The following CCSER1 variants were observed in gnomAD, a reference collection of about 807,000 sequenced individuals.
The protein encoded by CCSER1 is serine-rich coiled-coil domain-containing protein 1.
In CCSER1, 41 loss-of-function variants were observed where a neutral mutation model predicts 82.0. The observed-to-expected ratio is 0.50, with a 90% confidence interval of 0.39 to 0.65. CCSER1 has a LOEUF of 0.65. Ranked by LOEUF, CCSER1 falls within the 30% of genes least tolerant of loss-of-function variation. The pLI is 0.00. For synonymous variants in CCSER1, 414 were observed against 383.9 expected (o/e 1.08, Z -0.92); for missense variants, 1,119 against 1,064.2 (o/e 1.05, Z -0.72).
rs1403035783 is a variant in CCSER1, at chr4:90,167,175, G to T, written c.-42+39344G>T. Reference sequence around the variant, plus strand: ...AACTCAAACTCAAGAAGTTACAAAGGTGTTAAATATTAAAGTATCAAGAAA... The same window carrying T: ...AACTCAAACTCAAGAAGTTACAAAGTTGTTAAATATTAAAGTATCAAGAAA... On this transcript the variant is annotated intron_variant, in intron 1 of 10. Transcript: ENST00000509176. Among the ~76,000 whole-genome samples the T allele has an allele frequency of 4.6e-5, 7 of 151,894 alleles. No individual in the cohort carries two copies. In the East Asian group the frequency reaches 1.4e-3, roughly 29 times the overall value.
chr4:91,188,880 G>A (rs537622078), intron 10 of CCSER1, among the ~76,000 whole-genome samples: 1 of 152,108 alleles, frequency 6.6e-6, no homozygotes, highest in African/African-American at 2.4e-5. Context: ...GTTAGTGCTA[G>A]CATACCTATT....
intron 9 of CCSER1, among the ~76,000 whole-genome samples, chr4:90,946,783 G>A (rs989121731): frequency 1.3e-5 from 2 of 152,100 alleles, no homozygotes; most frequent in African/African-American, 4.8e-5. Flanking sequence ...CCACTATACT[G>A]TATCCAAACC....
At chr4:91,395,861 C>G (rs1174476778) in intron 10 of CCSER1, among the ~76,000 whole-genome samples, 1 of 152,060 alleles carries the variant, frequency 6.6e-6, no homozygotes, top group Non-Finnish European at 1.5e-5. Flanking sequence ...TTTTGTAAAA[C>G]ACAACTCGCC....
At chr4:90,379,781 T>C (rs1259965156) in intron 3 of CCSER1, among the ~76,000 whole-genome samples, 2 of 152,122 alleles carry the variant, frequency 1.3e-5, no homozygotes, top group African/African-American at 2.4e-5. Flanking sequence ...CGAGACTGGG[T>C]AATTTATAAG....
chr4:90,305,049 T>C (rs535898164), intron 1 of CCSER1, among the ~76,000 whole-genome samples: 12 of 152,106 alleles, frequency 7.9e-5, no homozygotes, highest in African/African-American at 2.2e-4. Flanking sequence ...CCCTAGTAGC[T>C]GGGACTACAG....
At chr4:91,338,867 T>C (rs1273265065) in intron 10 of CCSER1, among the ~76,000 whole-genome samples, 1 of 152,098 alleles carries the variant, frequency 6.6e-6, no homozygotes, top group East Asian at 1.9e-4. Context: ...TTTAAATATA[T>C]ATATTTAAAA....
chr4:90,511,978 C>T (rs1009256623), intron 5 of CCSER1, among the ~76,000 whole-genome samples: 4 of 151,986 alleles, frequency 2.6e-5, no homozygotes, highest in Admixed American at 1.3e-4. Flanking sequence ...GCAAGGTCAT[C>T]AGCTGAGAGT....
At chr4:90,607,538 T>G (rs1029834902) in intron 5 of CCSER1, among the ~76,000 whole-genome samples, 2 of 152,172 alleles carry the variant, frequency 1.3e-5, no homozygotes, top group Admixed American at 1.3e-4. Flanking sequence ...CCTTGGCTCA[T>G]AGAAGCATCA....
chr4:91,411,662 C>A (rs1239937941), intron 10 of CCSER1, among the ~76,000 whole-genome samples: 1 of 150,080 alleles, frequency 6.7e-6, no homozygotes, highest in Non-Finnish European at 1.5e-5. Flanking sequence ...TTTTTTCTCT[C>A]ATAAGGCTGT....
At chr4:91,155,773 AG>A (rs1730753795) in intron 10 of CCSER1, among the ~76,000 whole-genome samples, 2 of 151,936 alleles carry the variant, frequency 1.3e-5, no homozygotes, top group Non-Finnish European at 2.9e-5. Context: ...AGGATATTGA[AG>A]GGGATGGAGA....
intron 3 of CCSER1, among the ~76,000 whole-genome samples, chr4:90,392,267 C>T (rs114128389): frequency 0.012 from 1,765 of 151,798 alleles, 35 homozygotes; most frequent in African/African-American, 0.04. Flanking sequence ...ACTTTATTCC[C>T]ATGCACACAT....
chr4:90,906,517 C>T (rs954965488), intron 8 of CCSER1, among the ~76,000 whole-genome samples: 10 of 152,072 alleles, frequency 6.6e-5, no homozygotes, highest in East Asian at 5.8e-4. Context: ...TGTCACTTCA[C>T]GGTTTACTAT....
intron 10 of CCSER1, among the ~76,000 whole-genome samples, chr4:91,162,789 T>C (rs1407583668): frequency 2.6e-5 from 4 of 152,208 alleles, no homozygotes; most frequent in Admixed American, 2.6e-4. Flanking sequence ...CCCTTTATCA[T>C]TTTTTATTGT....
chr4:90,482,913 T>C (rs1185736335), intron 5 of CCSER1, among the ~76,000 whole-genome samples: 1 of 152,162 alleles, frequency 6.6e-6, no homozygotes, highest in African/African-American at 2.4e-5. Flanking sequence ...CTGACTTCAA[T>C]TCCTGGATAT....
intron 4 of CCSER1, among the ~76,000 whole-genome samples, chr4:90,426,231 G>T (rs917726912): frequency 2.0e-5 from 3 of 152,164 alleles, no homozygotes; most frequent in Non-Finnish European, 4.4e-5. Flanking sequence ...ACCCTGAAAT[G>T]ATCTCTCTTC....
rs565706697 is a variant in CCSER1, at chr4:90,312,751, G to T, written c.1325-112G>T. 6 of 823,592 alleles carry T rather than the reference G, an allele frequency of 7.3e-6. No homozygotes were observed. The East Asian group carries it at 1.3e-4, about 18-fold the overall frequency. 51.0% of individuals were successfully genotyped at this position (823,592 alleles called of 1,614,324 possible). A position where few individuals can be genotyped will look rare whatever the true frequency, so the allele number is the denominator to read the frequency against. On this transcript the variant is annotated intron_variant, in intron 2 of 10. Coordinates refer to ENST00000509176, the MANE Select transcript of CCSER1 (RefSeq NM_001145065.2). ...GCTATACATTTAAAAGTTTTCTTGT[G>T]ATAGAGAAACTTTGAATAACACTAA...
intron 6 of CCSER1, among the ~76,000 whole-genome samples, chr4:90,646,657 C>T (rs946073814): frequency 5.3e-5 from 8 of 152,266 alleles, no homozygotes; most frequent in African/African-American, 1.4e-4. Context: ...ACTATGTTAA[C>T]TGAACTTACT....
chr4:91,520,201 T>A (rs1166186710), intron 10 of CCSER1, among the ~76,000 whole-genome samples: 3 of 152,178 alleles, frequency 2.0e-5, no homozygotes, highest in African/African-American at 7.2e-5. Context: ...TTTTGAGTTT[T>A]TTTTTCTTAG....
chr4:90,369,039 A>T (rs1241383885), intron 3 of CCSER1, among the ~76,000 whole-genome samples: 1 of 151,942 alleles, frequency 6.6e-6, no homozygotes, highest in Non-Finnish European at 1.5e-5. Context: ...AAATTTTAAA[A>T]ATTATACCTG....
Sources: allele counts gnomAD v4.1 joint callset (sites outside exome capture counted in the v4.1 genomes callset), GRCh38; gene constraint gnomAD v4.1.1; transcripts MANE v1.5; gene names NCBI Gene and HGNC (gene_info 2026-07-23, HGNC 2026-07-21).